RPS6KC1: variants seen among roughly 807,000 people sequenced by gnomAD.
RPS6KC1 encodes inactive ribosomal protein S6 kinase delta-1.
RPS6KC1 carries 54 observed loss-of-function variants against 103.8 expected under a neutral mutation model. That is an observed-to-expected ratio of 0.52 (90% CI 0.42 to 0.65). The LOEUF is 0.65. RPS6KC1 is among the 30% of genes least tolerant of loss of function. The pLI is 0.00. For synonymous variants in RPS6KC1, 439 were observed against 438.7 expected (o/e 1.00, Z -0.01); for missense variants, 1,151 against 1,253.8 (o/e 0.92, Z 1.24).
the RPS6KC1 span, among the ~76,000 whole-genome samples, chr1:213,337,482 C>T: frequency 1.0e-3 from 154 of 152,290 alleles, 1 homozygote; most frequent in African/African-American, 3.7e-3. Context: ...TGATTATATG[C>T]TCTATGAACT....
chr1:213,288,637 T>C, the RPS6KC1 span, among the ~76,000 whole-genome samples: 1 of 152,366 alleles, frequency 6.6e-6, no homozygotes, highest in East Asian at 1.9e-4. Context: ...GTCTGGACTA[T>C]CACAAAATTC....
At chr1:213,253,452 C>T (rs1211131555) in intron 12 of RPS6KC1, among the ~76,000 whole-genome samples, 1 of 152,074 alleles carries the variant, frequency 6.6e-6, no homozygotes, top group East Asian at 1.9e-4. Context: ...ATTGAAGGCC[C>T]CACAATTGCT....
chr1:213,596,853 G>A, the RPS6KC1 span, among the ~76,000 whole-genome samples: 1 of 152,102 alleles, frequency 6.6e-6, no homozygotes, highest in Admixed American at 6.5e-5. Context: ...GATACATATC[G>A]AGTAAAACAA....
At chr1:213,369,540 G>A in the RPS6KC1 span, among the ~76,000 whole-genome samples, 26 of 152,238 alleles carry the variant, frequency 1.7e-4, no homozygotes, top group Admixed American at 7.2e-4. Context: ...CTAGCATGCC[G>A]GGATACTGGG....
the RPS6KC1 span, among the ~76,000 whole-genome samples, chr1:213,797,580 CCT>C: frequency 6.6e-6 from 1 of 152,082 alleles, no homozygotes; most frequent in Non-Finnish European, 1.5e-5. Flanking sequence ...CACGGGAAGT[CCT>C]TAAGAAAGGG....
the RPS6KC1 span, among the ~76,000 whole-genome samples, chr1:213,633,011 A>G: frequency 6.6e-6 from 1 of 152,202 alleles, no homozygotes; most frequent in East Asian, 1.9e-4. Flanking sequence ...AAGAGTAAAA[A>G]GAAACGAACA....
the RPS6KC1 span, among the ~76,000 whole-genome samples, chr1:213,717,368 A>T: frequency 6.6e-6 from 1 of 152,248 alleles, no homozygotes; most frequent in East Asian, 1.9e-4. Context: ...TGAAGGATAA[A>T]TAAAAGTTGA....
At chr1:213,511,894 C>G in the RPS6KC1 span, among the ~76,000 whole-genome samples, 1 of 152,160 alleles carries the variant, frequency 6.6e-6, no homozygotes, top group Admixed American at 6.5e-5. Flanking sequence ...TTTTTATGTT[C>G]AGTCTCTCCA....
At chr1:213,603,495 G>A in the RPS6KC1 span, among the ~76,000 whole-genome samples, 1 of 152,084 alleles carries the variant, frequency 6.6e-6, no homozygotes, top group Admixed American at 6.6e-5. Flanking sequence ...TTCCAAGCTG[G>A]CCTTGATGTT....
chr1:213,272,437 A>G (rs1573758054), intron 14 of RPS6KC1, 87 bp from the exon 15 acceptor site: 2 of 1,021,398 alleles, frequency 2.0e-6, no homozygotes, highest in East Asian at 4.9e-5. Context: ...CCAGGGTTGA[A>G]TTTAGAAGTT....
At chr1:213,151,349 A>G (rs1572860060) in intron 6 of RPS6KC1, among the ~76,000 whole-genome samples, 1 of 107,888 alleles carries the variant, frequency 9.3e-6, no homozygotes, top group South Asian at 3.3e-4. Flanking sequence ...CGGGGGGCTA[A>G]CCCCCCCACC....
At chr1:213,186,321 A>G (rs2092529112) in intron 8 of RPS6KC1, among the ~76,000 whole-genome samples, 1 of 151,134 alleles carries the variant, frequency 6.6e-6, no homozygotes. Context: ...TCTCTCCTTC[A>G]TATCTGAAGT....
chr1:213,272,151 C>A (rs1330015507), intron 14 of RPS6KC1, among the ~76,000 whole-genome samples: 1 of 152,190 alleles, frequency 6.6e-6, no homozygotes, highest in East Asian at 1.9e-4. Flanking sequence ...ATTTTCTAAT[C>A]ATGAAGGAAG....
the RPS6KC1 span, among the ~76,000 whole-genome samples, chr1:213,545,694 T>C: frequency 8.6e-5 from 13 of 152,044 alleles, no homozygotes; most frequent in African/African-American, 3.1e-4. Flanking sequence ...TTCAACACAC[T>C]GGGGGGACAC....
intron 8 of RPS6KC1, chr1:213,205,232 T>C (rs1373547051): frequency 1.0e-6 from 1 of 984,450 alleles, no homozygotes; most frequent in Non-Finnish European, 1.2e-6. Flanking sequence ...CTCTACTGAT[T>C]CATTAGTACA....
At chr1:213,806,119 T>C in the RPS6KC1 span, among the ~76,000 whole-genome samples, 235 of 152,162 alleles carry the variant, frequency 1.5e-3, no homozygotes, top group Non-Finnish European at 3.0e-3. Flanking sequence ...GATCATGAGG[T>C]CAGGAGATTG....
At chr1:213,477,074 G>T in the RPS6KC1 span, among the ~76,000 whole-genome samples, 3 of 152,162 alleles carry the variant, frequency 2.0e-5, no homozygotes, top group Admixed American at 2.0e-4. Flanking sequence ...AAAGATCCCA[G>T]TGTCATTCTG....
the RPS6KC1 span, among the ~76,000 whole-genome samples, chr1:213,295,347 A>T: frequency 6.6e-6 from 1 of 152,230 alleles, no homozygotes; most frequent in African/African-American, 2.4e-5. Context: ...AGATCAGAGT[A>T]ACCCTGGAAG....
chr1:213,847,910 C>T, the RPS6KC1 span, among the ~76,000 whole-genome samples: 4 of 152,066 alleles, frequency 2.6e-5, no homozygotes, highest in African/African-American at 9.7e-5. Context: ...CCAAAAATTC[C>T]TTAGCATTTT....
Sources: allele counts gnomAD v4.1 joint callset (sites outside exome capture counted in the v4.1 genomes callset), GRCh38; gene constraint gnomAD v4.1.1; transcripts MANE v1.5; gene names NCBI Gene and HGNC (gene_info 2026-07-23, HGNC 2026-07-21).